Variants in RPH3A observed in about 807,000 individuals in gnomAD.
The protein encoded by RPH3A is rabphilin 3A.
In RPH3A, 48 loss-of-function variants were observed where a neutral mutation model predicts 102.2. The ratio of observed to expected loss-of-function variants is 0.47; its 90% CI spans 0.37 to 0.60. The LOEUF (loss-of-function observed/expected upper bound fraction) is 0.60. Ranked by LOEUF, RPH3A falls within the 20% of genes least tolerant of loss-of-function variation. The pLI, the probability that RPH3A is intolerant of heterozygous loss-of-function variation, is 0.00. For missense variants in RPH3A, 781 were observed against 910.1 expected (o/e 0.86, Z 1.83); for synonymous variants, 310 against 324.3 (o/e 0.96, Z 0.47).
chr12:112,839,814 C>A (rs1256745612), intron 4 of RPH3A, among the ~76,000 whole-genome samples: 1 of 152,112 alleles, frequency 6.6e-6, no homozygotes, highest in Non-Finnish European at 1.5e-5. Flanking sequence ...ATGGTGAAAT[C>A]CTGTCTCTAC....
intron 10 of RPH3A, among the ~76,000 whole-genome samples, chr12:112,873,569 G>A (rs1469034979): frequency 6.6e-6 from 1 of 152,158 alleles, no homozygotes; most frequent in Non-Finnish European, 1.5e-5. Context: ...CTACCTCTTG[G>A]AGCGGCTTAT....
intron 1 of RPH3A, among the ~76,000 whole-genome samples, chr12:112,733,736 C>T (rs942109416): frequency 1.8e-4 from 27 of 152,118 alleles, no homozygotes; most frequent in Non-Finnish European, 1.0e-4. Flanking sequence ...TCTGAGGCTG[C>T]CAAGTGAGGA....
chr12:112,666,953 T>C (rs2040087107), intron 1 of RPH3A, among the ~76,000 whole-genome samples: 1 of 152,210 alleles, frequency 6.6e-6, no homozygotes, highest in African/African-American at 2.4e-5. Flanking sequence ...TGATCCTGTG[T>C]ACCTACAACA....
intron 1 of RPH3A, among the ~76,000 whole-genome samples, chr12:112,786,480 C>T (rs1442968060): frequency 2.6e-5 from 4 of 152,192 alleles, no homozygotes; most frequent in African/African-American, 9.7e-5. Context: ...GAAAGCTGCC[C>T]TGTGACATTT....
chr12:112,731,702 T>A (rs192901686), intron 1 of RPH3A, among the ~76,000 whole-genome samples: 2 of 152,376 alleles, frequency 1.3e-5, no homozygotes, highest in Admixed American at 6.5e-5. Context: ...TAGTATTATG[T>A]CAAACCCATT....
chr12:112,773,802 C>T (rs991491317), intron 1 of RPH3A, among the ~76,000 whole-genome samples: 9 of 152,160 alleles, frequency 5.9e-5, no homozygotes, highest in African/African-American at 2.2e-4. Flanking sequence ...CAGTAGGGGC[C>T]AGGCATGGTG....
chr12:112,797,142 C>T (rs182054546), intron 2 of RPH3A, among the ~76,000 whole-genome samples: 130 of 152,212 alleles, frequency 8.5e-4, no homozygotes, highest in Non-Finnish European at 1.1e-3. Flanking sequence ...GAGGGCTCCC[C>T]GAGTCACCCA....
Position 112,713,011 on chromosome 12 carries a change from C to CG in RPH3A, c.-139-79132_-139-79131insG, listed in dbSNP as rs1565857169. On this transcript the variant is annotated intron_variant, in intron 1 of 21. Coordinates refer to the RPH3A transcript ENST00000543106. ...CGTCTTTGTCTTCCTCTTCCTCTTC[C>CG]TCTTCCTCTTCCTCTTCTTCTTCTT... is the stretch of plus-strand genomic sequence containing the variant. Among the ~76,000 whole-genome samples, 64 of 66,606 alleles carry CG rather than the reference C, an allele frequency of 9.6e-4. 3 individuals are homozygous for CG. The highest frequency in any genetic ancestry group is 4.2e-3 in the South Asian group (6 of 1,412). 43.7% of individuals were successfully genotyped at this position (66,606 alleles called of 152,430 possible).
At position 112,640,970 on chromosome 12, in the gene RPH3A, G is replaced by A. The variant is rs1189430734; in HGVS notation, c.-140+65651G>A. Among the ~76,000 whole-genome samples, 6 of 152,152 alleles carry A rather than the reference G, an allele frequency of 3.9e-5. 1 individual carries two copies. Among genetic ancestry groups the A allele is most frequent in the Admixed American group, 3.9e-4 (6 of 15,282 alleles). ...TTAATAGGACATTTGTGTGTCTGGG[G>A]CATGGAAAATGGTTGGGTCACATTG... On this transcript the variant is annotated intron_variant, in intron 1 of 21. Coordinates refer to the RPH3A transcript ENST00000543106.
In RPH3A at chr12:112,847,746, G is replaced by C; in HGVS notation, c.134G>C (p.Arg45Thr). Reference protein sequence around the residue: ...VHPGGQPDRQRKQEELTDEEK... With the variant: ...VHPGGQPDRQTKQEELTDEEK... ...CCCGGTGGTCAGCCTGACAGGCAGA[G>C]GAAGCAGGAAGAGCTGACTGATGAG... Residue 45 changes from arginine (R) to threonine (T), a missense_variant, in exon 5 of 22, where the codon AGG becomes ACG. Coordinates refer to ENST00000389385, the MANE Select transcript of RPH3A (RefSeq NM_001143854.2). 6.2e-7 allele frequency: 1 copy of C among 1,614,176 alleles called. No individual in the cohort carries two copies. The highest frequency in any genetic ancestry group is 1.1e-5 in the South Asian group (1 of 91,080).
chr12:112,835,641 G>A (rs899393899), intron 3 of RPH3A, among the ~76,000 whole-genome samples: 4 of 152,186 alleles, frequency 2.6e-5, no homozygotes, highest in African/African-American at 9.7e-5. Flanking sequence ...CTAGTCTGCT[G>A]CAGTGGTGGT....
At chr12:112,870,925 G>T (rs190888593) in intron 10 of RPH3A, among the ~76,000 whole-genome samples, 46 of 152,278 alleles carry the variant, frequency 3.0e-4, no homozygotes, top group African/African-American at 9.9e-4. Context: ...GCCGTCTCAA[G>T]TTCTTTTACA....
chr12:112,841,707 G>GTTTTTTTTTTTTT (rs761403652), intron 4 of RPH3A, among the ~76,000 whole-genome samples: 3 of 145,012 alleles, frequency 2.1e-5, no homozygotes, highest in African/African-American at 7.6e-5. Flanking sequence ...TGTTTTTTTG[G>GTTTTTTTTTTTTT]TTTTTTTTTT....
At chr12:112,640,031 CT>C (rs2039875628) in intron 1 of RPH3A, among the ~76,000 whole-genome samples, 3 of 151,994 alleles carry the variant, frequency 2.0e-5, no homozygotes. Flanking sequence ...CAAAGCAGGG[CT>C]CTGGCTGGCC....
At chr12:112,707,556 T>C (rs147440590) in intron 1 of RPH3A, among the ~76,000 whole-genome samples, 29 of 152,322 alleles carry the variant, frequency 1.9e-4, no homozygotes, top group African/African-American at 7.0e-4. Flanking sequence ...AGGGTGATTG[T>C]CAGGATAAAT....
chr12:112,701,839 A>C (rs1361159438), intron 1 of RPH3A, among the ~76,000 whole-genome samples: 1 of 152,250 alleles, frequency 6.6e-6, no homozygotes, highest in Admixed American at 6.5e-5. Flanking sequence ...GACAGTGTCC[A>C]ACCAGAAACT....
intron 1 of RPH3A, among the ~76,000 whole-genome samples, chr12:112,760,266 G>C (rs1199162444): frequency 2.6e-5 from 4 of 152,174 alleles, no homozygotes; most frequent in Admixed American, 2.6e-4. Flanking sequence ...CTTACTAGCT[G>C]TGTGACCTTG....
chr12:112,708,333 G>A (rs556345826), intron 1 of RPH3A, among the ~76,000 whole-genome samples: 1 of 152,272 alleles, frequency 6.6e-6, no homozygotes, highest in East Asian at 1.9e-4. Flanking sequence ...AGGGGAAAAG[G>A]GGCACATAAC....
In RPH3A at chr12:112,889,657, C is replaced by T. The variant is rs946678797; in HGVS notation, c.1564-367C>T. On this transcript the variant is annotated intron_variant, in intron 17 of 21. Coordinates refer to ENST00000389385, the MANE Select transcript of RPH3A (RefSeq NM_001143854.2). ...GCACCTGGTGGGTCAGACCCCAAGACCCCTGAGCCACTTCAACCAGAGAAA... is the reference window on the plus strand; with the variant it reads ...GCACCTGGTGGGTCAGACCCCAAGATCCCTGAGCCACTTCAACCAGAGAAA... 3.9e-5 allele frequency among the ~76,000 whole-genome samples: 6 copies of T among 152,214 alleles called. No individual in the cohort carries two copies. In the East Asian group the frequency reaches 5.8e-4, roughly 15 times the overall value.
Sources: gnomAD v4.1 joint callset for allele counts (sites outside exome capture counted in the v4.1 genomes callset) on GRCh38, gnomAD v4.1.1 for gene constraint, MANE v1.5 for transcripts, NCBI Gene and HGNC (gene_info 2026-07-23, HGNC 2026-07-21) for gene names.